Variants in UBE2E3 observed in about 807,000 individuals in gnomAD.
UBE2E3 encodes ubiquitin-conjugating enzyme E2 E3.
UBE2E3 carries 5 observed loss-of-function variants against 23.6 expected under a neutral mutation model. The observed-to-expected ratio is 0.21, with a 90% CI of 0.11 to 0.44. UBE2E3 has a LOEUF of 0.44. Ranked by LOEUF, UBE2E3 falls within the 20% of genes least tolerant of loss-of-function variation. UBE2E3 has a pLI of 0.99. For synonymous variants in UBE2E3, 78 were observed against 87.5 expected (o/e 0.89, Z 0.60); for missense variants, 81 against 249.8 (o/e 0.32, Z 4.55).
intron 3 of UBE2E3, among the ~76,000 whole-genome samples, chr2:180,993,135 A>ATTTTT (rs1160798901): frequency 6.6e-6 from 1 of 152,212 alleles, no homozygotes; most frequent in Non-Finnish European, 1.5e-5. Context: ...AAATAACAAA[A>ATTTTT]GCTTGTTTAT....
At position 181,056,281 on chromosome 2, in the gene UBE2E3, G is replaced by C. The variant is rs865997229; in HGVS notation, c.246-1412G>C. On this transcript the variant is annotated intron_variant, in intron 3 of 5. Transcript: ENST00000410062. ...GTACAGGCAGGAGAAGAGGCTCAAG[G>C]GGTAACTGTTAAGTGTAGAGAAAGT... is the stretch of plus-strand genomic sequence containing the variant. Among the ~76,000 whole-genome samples, 9 of 151,762 alleles carry C rather than the reference G, an allele frequency of 5.9e-5. No homozygotes were observed. In the Middle Eastern group the frequency reaches 0.01, roughly 172 times the overall value.
At chr2:181,023,515 C>T (rs1488337488) in intron 3 of UBE2E3, among the ~76,000 whole-genome samples, 1 of 152,142 alleles carries the variant, frequency 6.6e-6, no homozygotes, top group Non-Finnish European at 1.5e-5. Flanking sequence ...TCATGAATTG[C>T]TTTGTGGCAC....
At chr2:181,019,930 A>G (rs1389904357) in intron 3 of UBE2E3, among the ~76,000 whole-genome samples, 2 of 152,140 alleles carry the variant, frequency 1.3e-5, no homozygotes, top group Non-Finnish European at 2.9e-5. Context: ...GTTGCTGTAC[A>G]TTAGATCTCC....
intron 3 of UBE2E3, among the ~76,000 whole-genome samples, chr2:181,050,200 T>C (rs187777310): frequency 3.2e-4 from 48 of 152,086 alleles, no homozygotes; most frequent in African/African-American, 1.1e-3. Flanking sequence ...TGAACAGTTA[T>C]TGAAGGTGTT....
chr2:181,054,072 A>T (rs1200108344), intron 3 of UBE2E3, among the ~76,000 whole-genome samples: 2 of 151,784 alleles, frequency 1.3e-5, no homozygotes, highest in Non-Finnish European at 2.9e-5. Flanking sequence ...TGGAGGTACC[A>T]CAGTTTATAT....
At chr2:181,024,255 CTT>C (rs1229850664) in intron 3 of UBE2E3, among the ~76,000 whole-genome samples, 1 of 152,116 alleles carries the variant, frequency 6.6e-6, no homozygotes, top group Admixed American at 6.6e-5. Context: ...ATGATTGACA[CTT>C]TATGTGAGAG....
At chr2:181,047,800 C>T (rs773656131) in intron 3 of UBE2E3, among the ~76,000 whole-genome samples, 1 of 150,746 alleles carries the variant, frequency 6.6e-6, no homozygotes, top group Non-Finnish European at 1.5e-5. Context: ...CCTGAGGAGG[C>T]CTTGCAAAAT....
intron 3 of UBE2E3, among the ~76,000 whole-genome samples, chr2:181,036,426 GA>G (rs1202758387): frequency 1.3e-5 from 2 of 152,224 alleles, no homozygotes; most frequent in Non-Finnish European, 2.9e-5. Context: ...CGTTCATGAG[GA>G]AAAAACCTGA....
chr2:181,046,616 C>G (rs569263470), intron 3 of UBE2E3, among the ~76,000 whole-genome samples: 34 of 152,088 alleles, frequency 2.2e-4, no homozygotes, highest in Non-Finnish European at 4.6e-4. Flanking sequence ...TGGATGAGCC[C>G]TTAAACTGTA....
intron 3 of UBE2E3, among the ~76,000 whole-genome samples, chr2:181,018,879 G>A (rs1474222777): frequency 6.6e-6 from 1 of 152,112 alleles, no homozygotes; most frequent in Non-Finnish European, 1.5e-5. Context: ...TTGGATGTCA[G>A]GATAGATCTA....
intron 3 of UBE2E3, among the ~76,000 whole-genome samples, chr2:181,003,509 A>G (rs2105595616): frequency 6.6e-6 from 1 of 152,344 alleles, no homozygotes; most frequent in Non-Finnish European, 1.5e-5. Context: ...ATCTAATTAC[A>G]GTTGGACTTT....
At chr2:181,047,965 T>G (rs1222643908) in intron 3 of UBE2E3, among the ~76,000 whole-genome samples, 1 of 152,170 alleles carries the variant, frequency 6.6e-6, no homozygotes, top group Non-Finnish European at 1.5e-5. Context: ...TTCATTGTAC[T>G]TCCCATGTTC....
chr2:181,060,860 GCTTTTTTTT>G (rs1558940474), intron 5 of UBE2E3, 48 bp downstream of exon 5: 5 of 327,142 alleles, frequency 1.5e-5, no homozygotes, highest in Admixed American at 2.1e-4. Flanking sequence ...AAAAACGAGT[GCTTTTTTTT>G]TTTTTTTTTT....
intron 4 of UBE2E3, among the ~76,000 whole-genome samples, chr2:181,059,301 A>C (rs577920224): frequency 3.2e-4 from 48 of 151,854 alleles, no homozygotes; most frequent in African/African-American, 1.1e-3. Flanking sequence ...AGGATAATAA[A>C]TATTTAATAG....
At chr2:180,991,611 A>T (rs1684661102) in intron 3 of UBE2E3, among the ~76,000 whole-genome samples, 2 of 152,238 alleles carry the variant, frequency 1.3e-5, no homozygotes, top group Admixed American at 1.3e-4. Context: ...ACACAAACTC[A>T]TAAACTTTCT....
At chr2:181,039,624 C>G (rs1381009434) in intron 3 of UBE2E3, among the ~76,000 whole-genome samples, 1 of 149,442 alleles carries the variant, frequency 6.7e-6, no homozygotes, top group Non-Finnish European at 1.5e-5. Context: ...AACAAGTGTA[C>G]AAATGCTAAT....
intron 3 of UBE2E3, chr2:180,990,143 A>G: frequency 1.4e-6 from 1 of 700,650 alleles, no homozygotes; most frequent in South Asian, 2.5e-5. Context: ...GTGGTTCTCA[A>G]CTGAGGCAAT....
intron 3 of UBE2E3, among the ~76,000 whole-genome samples, chr2:180,993,800 A>G (rs1574162128): frequency 6.6e-6 from 1 of 152,140 alleles, no homozygotes; most frequent in Non-Finnish European, 1.5e-5. Flanking sequence ...CATATTTTTT[A>G]TGGCTTCCTA....
chr2:181,059,388 G>A (rs1687068597), intron 4 of UBE2E3, among the ~76,000 whole-genome samples: 1 of 151,744 alleles, frequency 6.6e-6, no homozygotes, highest in Non-Finnish European at 1.5e-5. Context: ...GTATTGAGCA[G>A]TAACGTCAGT....
Sources: gnomAD v4.1 joint callset for allele counts (sites outside exome capture counted in the v4.1 genomes callset) on GRCh38, gnomAD v4.1.1 for gene constraint, MANE v1.5 for transcripts, NCBI Gene and HGNC (gene_info 2026-07-23, HGNC 2026-07-21) for gene names.